DIAPH3: variants seen among roughly 807,000 people sequenced by gnomAD.
DIAPH3 encodes the protein protein diaphanous homolog 3.
A neutral mutation model predicts 144.3 loss-of-function variants in DIAPH3; 117 were observed. The observed-to-expected ratio is 0.81, with a 90% CI of 0.70 to 0.95. The LOEUF (loss-of-function observed/expected upper bound fraction) is 0.95. Ranked by LOEUF, DIAPH3 falls within the 40% of genes least tolerant of loss-of-function variation. The probability of loss-of-function intolerance (pLI) is 0.00; values close to 1 mark genes in which losing one functional copy is unlikely to be tolerated. For synonymous variants in DIAPH3, 519 were observed against 488.9 expected (o/e 1.06, Z -0.81); for missense variants, 1,421 against 1,412.7 (o/e 1.01, Z -0.09).
intron 1 of DIAPH3, among the ~76,000 whole-genome samples, chr13:60,152,869 A>G (rs962117666): frequency 2.0e-5 from 3 of 152,144 alleles, no homozygotes; most frequent in Admixed American, 6.5e-5. Context: ...ACAAAGGACT[A>G]AGGTGAAAAA....
chr13:60,085,419 A>G (rs974226345), intron 4 of DIAPH3, among the ~76,000 whole-genome samples: 4 of 152,140 alleles, frequency 2.6e-5, no homozygotes, highest in Admixed American at 6.6e-5. Flanking sequence ...ACATCTGGTG[A>G]TAAGGCTCAT....
intron 17 of DIAPH3, among the ~76,000 whole-genome samples, chr13:59,951,277 C>T (rs2049083003): frequency 6.6e-6 from 1 of 152,044 alleles, no homozygotes. Flanking sequence ...AAGGCATTTT[C>T]CCCACTTCGC....
intron 24 of DIAPH3, among the ~76,000 whole-genome samples, chr13:59,818,745 G>C (rs546088587): frequency 6.6e-6 from 1 of 151,752 alleles, no homozygotes; most frequent in Admixed American, 6.6e-5. Context: ...TGTCCCCCTG[G>C]TTTGCATTCT....
intron 27 of DIAPH3, among the ~76,000 whole-genome samples, chr13:59,762,052 C>T (rs1224036105): frequency 7.9e-4 from 47 of 59,480 alleles, no homozygotes; most frequent in Middle Eastern, 0.011. Flanking sequence ...GCGTCAGCAT[C>T]TTTTTTTTTT....
chr13:59,822,397 A>G (rs761633092), intron 24 of DIAPH3, among the ~76,000 whole-genome samples: 1 of 152,122 alleles, frequency 6.6e-6, no homozygotes, highest in Non-Finnish European at 1.5e-5. Context: ...GAAACATCCA[A>G]CTAAAGTCCC....
At chr13:59,786,306 A>G (rs950234019) in intron 25 of DIAPH3, among the ~76,000 whole-genome samples, 3 of 152,202 alleles carry the variant, frequency 2.0e-5, no homozygotes, top group Non-Finnish European at 4.4e-5. Context: ...TTTATGAAAT[A>G]AAGGATTATT....
At chr13:60,150,824 T>A (rs971501952) in intron 1 of DIAPH3, among the ~76,000 whole-genome samples, 1 of 152,114 alleles carries the variant, frequency 6.6e-6, no homozygotes, top group Non-Finnish European at 1.5e-5. Flanking sequence ...TTCTACCTTA[T>A]GTGAGGTGTG....
intron 27 of DIAPH3, among the ~76,000 whole-genome samples, chr13:59,765,594 T>C (rs1385487779): frequency 2.6e-5 from 4 of 152,210 alleles, no homozygotes; most frequent in African/African-American, 9.6e-5. Context: ...GACTCCGAAC[T>C]GTTTTTCAAG....
intron 27 of DIAPH3, among the ~76,000 whole-genome samples, chr13:59,720,131 G>A (rs1689001277): frequency 6.6e-6 from 1 of 151,994 alleles, no homozygotes; most frequent in African/African-American, 2.4e-5. Flanking sequence ...ACCGTAACAC[G>A]ATTGTAAATA....
chr13:59,881,314 G>T (rs1480819992), intron 20 of DIAPH3, among the ~76,000 whole-genome samples: 1 of 151,986 alleles, frequency 6.6e-6, no homozygotes, highest in Admixed American at 6.6e-5. Flanking sequence ...GCACTCACAT[G>T]TAGTACCTGT....
chr13:59,700,655 G>C (rs2034059160), intron 27 of DIAPH3, among the ~76,000 whole-genome samples: 1 of 152,128 alleles, frequency 6.6e-6, no homozygotes, highest in Non-Finnish European at 1.5e-5. Context: ...TGATCTTCCA[G>C]AGGATAAAGC....
intron 17 of DIAPH3, among the ~76,000 whole-genome samples, chr13:59,961,888 A>G (rs572531970): frequency 6.6e-6 from 1 of 152,282 alleles, no homozygotes; most frequent in South Asian, 2.1e-4. Flanking sequence ...CATCAATAAT[A>G]TGTTGTTTTA....
chr13:60,151,393 T>C (rs189544197), intron 1 of DIAPH3, among the ~76,000 whole-genome samples: 107 of 152,320 alleles, frequency 7.0e-4, no homozygotes, highest in Non-Finnish European at 1.1e-3. Flanking sequence ...CAAGTCTTTT[T>C]ATCACAGTTT....
At chr13:59,892,154 T>C (rs1021794718) in intron 20 of DIAPH3, among the ~76,000 whole-genome samples, 5 of 151,720 alleles carry the variant, frequency 3.3e-5, no homozygotes, top group Non-Finnish European at 5.9e-5. Context: ...AAATAAACGC[T>C]ATAAATAAAT....
At chr13:59,910,493 G>A (rs1226778841) in intron 20 of DIAPH3, among the ~76,000 whole-genome samples, 3 of 151,812 alleles carry the variant, frequency 2.0e-5, no homozygotes, top group African/African-American at 4.8e-5. Flanking sequence ...TTTGGGAGGC[G>A]GAGGCAGGCG....
chr13:59,781,914 T>C (rs1019771566), intron 25 of DIAPH3, among the ~76,000 whole-genome samples: 9 of 152,142 alleles, frequency 5.9e-5, no homozygotes, highest in African/African-American at 2.2e-4. Context: ...TGTTAGTCCC[T>C]TCCACCACAT....
intron 27 of DIAPH3, among the ~76,000 whole-genome samples, chr13:59,725,977 T>C (rs1049327667): frequency 2.6e-5 from 4 of 152,168 alleles, no homozygotes; most frequent in African/African-American, 9.7e-5. Flanking sequence ...AAATTTATAA[T>C]TACTTATTAA....
intron 27 of DIAPH3, among the ~76,000 whole-genome samples, chr13:59,668,820 T>C (rs1188645517): frequency 7.0e-6 from 1 of 141,990 alleles, no homozygotes; most frequent in African/African-American, 2.6e-5. Flanking sequence ...ACTATATATA[T>C]ACACATATAT....
chr13:59,672,793 G>T (rs2032448995), intron 27 of DIAPH3, among the ~76,000 whole-genome samples: 1 of 152,094 alleles, frequency 6.6e-6, no homozygotes, highest in Non-Finnish European at 1.5e-5. Flanking sequence ...AGGTCATTTT[G>T]CATATAGTTA....
Sources: allele counts gnomAD v4.1 joint callset (sites outside exome capture counted in the v4.1 genomes callset), GRCh38; gene constraint gnomAD v4.1.1; transcripts MANE v1.5; gene names NCBI Gene and HGNC (gene_info 2026-07-23, HGNC 2026-07-21).